Variants in HDAC4 observed in about 807,000 individuals in gnomAD.
The protein encoded by HDAC4 is histone deacetylase A.
Under a neutral mutation model 135.1 loss-of-function variants are expected in HDAC4, and 16 were observed. That is an observed-to-expected ratio of 0.12 (90% CI 0.08 to 0.18). The LOEUF is 0.18. Among genes scored for constraint, HDAC4 ranks in the 10% least tolerant of loss-of-function variants. The probability of loss-of-function intolerance (pLI) is 1.00; values close to 1 mark genes in which losing one functional copy is unlikely to be tolerated. For synonymous variants in HDAC4, 685 were observed against 653.4 expected, an observed-to-expected ratio of 1.05 and a Z score of -0.74; for missense variants, 1,143 against 1,511.8, an observed-to-expected ratio of 0.76 and a Z score of 4.05.
At chr2:239,142,794 T>C (rs1467021746) in intron 8 of HDAC4, among the ~76,000 whole-genome samples, 5 of 148,704 alleles carry the variant, frequency 3.4e-5, no homozygotes, top group Non-Finnish European at 1.5e-5. Flanking sequence ...CTGTCACACA[T>C]GACTCCTGGG....
intron 4 of HDAC4, among the ~76,000 whole-genome samples, chr2:239,177,250 C>A (rs933040986): frequency 6.6e-6 from 1 of 152,166 alleles, no homozygotes; most frequent in Non-Finnish European, 1.5e-5. Flanking sequence ...ACTGAAAGAC[C>A]CTCCGCTGAG....
At chr2:239,278,885 G>A (rs1296729954) in intron 2 of HDAC4, among the ~76,000 whole-genome samples, 1 of 152,176 alleles carries the variant, frequency 6.6e-6, no homozygotes, top group African/African-American at 2.4e-5. Context: ...GCAGTAGTGT[G>A]GACATGTAGT....
chr2:239,111,619 G>A lies in HDAC4; in HGVS notation c.1885C>T (p.His629Tyr), dbSNP rs891779252. Residue 629 changes from histidine (H) to tyrosine (Y), a missense_variant, in exon 14 of 27, where the codon CAC (histidine) becomes TAC (tyrosine). Around this residue, in one of 9 missense-constraint regions of HDAC4, gnomAD observed 196 missense variants for 210.7 expected, o/e 0.93. Coordinates refer to ENST00000543185, the MANE Select transcript of HDAC4 (RefSeq NM_001378414.1). ...AAGIPVSFGG[H>Y]RPLSRAQSSP... ...GACTGCGCCCGGGACAGAGGCCTGTGGCCGCCGAAGGACACGGGGATGCCG... is the reference window on the plus strand; with the variant it reads ...GACTGCGCCCGGGACAGAGGCCTGTAGCCGCCGAAGGACACGGGGATGCCG... 2 of 1,610,206 alleles carry A rather than the reference G, an allele frequency of 1.2e-6. No homozygotes were observed. The highest frequency in any genetic ancestry group is 1.7e-6 in the Non-Finnish European group (2 of 1,179,006).
rs374211203 is a variant in HDAC4 at position 239,053,433 on chromosome 2, C to T, written c.3230+27G>A. 3.2e-4 allele frequency: 514 copies of T among 1,607,878 alleles called. 1 individual carries two copies. Among genetic ancestry groups the T allele is most frequent in the Non-Finnish European group, 4.2e-4 (496 of 1,176,630 alleles). Reference sequence around the variant, plus strand: ...GGCACAGTGGGGCTGGGTGAGCCTGCAGGCGGGCGGCAGGGCAGGTGCTCA... The same window carrying T: ...GGCACAGTGGGGCTGGGTGAGCCTGTAGGCGGGCGGCAGGGCAGGTGCTCA... On this transcript the variant is annotated intron_variant, in intron 26 of 26. Transcript: ENST00000543185.
In HDAC4 at chr2:239,236,358, G is replaced by GA. The variant is rs137988713; in HGVS notation, c.94+234dup. ...AGAACACATCCTTTAGCACCAGAGA[G>GA]AAAAAAAACAACAAAAAATCAGCAT... On this transcript the variant is annotated intron_variant, in intron 3 of 26. Coordinates refer to ENST00000543185, the MANE Select transcript of HDAC4 (RefSeq NM_001378414.1). Among the ~76,000 whole-genome samples, 3,251 of 151,928 alleles carry GA rather than the reference G, an allele frequency of 0.021. 115 individuals are homozygous for GA. Among genetic ancestry groups the GA allele is most frequent in the African/African-American group, 0.074 (3,079 of 41,436 alleles).
At chr2:239,237,592 A>AAAC (rs1432451060) in intron 2 of HDAC4, among the ~76,000 whole-genome samples, 1 of 151,204 alleles carries the variant, frequency 6.6e-6, no homozygotes, top group Non-Finnish European at 1.5e-5. Context: ...AAAAAAAAAA[A>AAAC]CCCATTTTTT....
rs182738776 is a variant in HDAC4, at chr2:239,097,291, C to T, written c.2234-2235G>A. 1.8e-3 allele frequency among the ~76,000 whole-genome samples: 281 copies of T among 152,356 alleles called. 2 individuals are homozygous for T. Among genetic ancestry groups the T allele is most frequent in the African/African-American group, 6.4e-3 (268 of 41,590 alleles). On this transcript the variant is annotated intron_variant, in intron 16 of 26. Transcript: ENST00000543185. ...CCCTGGCTCTCCCTGCAGCGCTCAG[C>T]AGGCATGCCTCGGCCTCTGGGTCCT... is the stretch of plus-strand genomic sequence containing the variant.
intron 17 of HDAC4, chr2:239,094,768 C>T: frequency 2.2e-6 from 3 of 1,373,528 alleles, no homozygotes; most frequent in Middle Eastern, 2.5e-4. Flanking sequence ...AAAGCGAGAG[C>T]CACTGCACCC....
intron 24 of HDAC4, among the ~76,000 whole-genome samples, chr2:239,062,347 G>A (rs967982679): frequency 2.0e-4 from 30 of 152,216 alleles, no homozygotes; most frequent in African/African-American, 2.4e-5. Context: ...CACAGCTGGC[G>A]GCCCCGCCTG....
At position 239,057,795 on chromosome 2, in the gene HDAC4, A is replaced by G. The variant is rs114426354; in HGVS notation, c.3004-2962T>C. Reference sequence around the variant, plus strand: ...ATTATACTTAAGGCAGTATGAAAATAATCCTAGAAGACAGTGTGAGAAATG... The same window carrying G: ...ATTATACTTAAGGCAGTATGAAAATGATCCTAGAAGACAGTGTGAGAAATG... On this transcript the variant is annotated intron_variant, in intron 24 of 26. Transcript: ENST00000543185. Among the ~76,000 whole-genome samples, 888 of 152,350 alleles carry G rather than the reference A, an allele frequency of 5.8e-3. 11 individuals carry two copies. Among genetic ancestry groups the G allele is most frequent in the African/African-American group, 0.02 (850 of 41,568 alleles).
Position 239,139,595 on chromosome 2 carries a change from A to G in HDAC4, c.978+89T>C. ...CCCCAAATTGGAAGGTGAAGAGTGAAGGGCAAGTGCAAAGTGGGGTCATTT... is the reference window on the plus strand; with the variant it reads ...CCCCAAATTGGAAGGTGAAGAGTGAGGGGCAAGTGCAAAGTGGGGTCATTT... On this transcript the variant is annotated intron_variant, in intron 9 of 26. Transcript: ENST00000543185. The surrounding 1 kb of genome is among the most constrained non-coding windows in gnomAD (Gnocchi z 5.3). 8.5e-7 allele frequency: 1 copy of G among 1,181,838 alleles called. No individual in the cohort carries two copies. Among genetic ancestry groups the G allele is most frequent in the Non-Finnish European group, 1.3e-6 (1 of 786,442 alleles). The allele number at this position is 1,181,838 out of a possible 1,614,324, so 73.2% of individuals were successfully genotyped here. A position where few individuals can be genotyped will look rare whatever the true frequency, so the allele number is the denominator to read the frequency against.
intron 13 of HDAC4, among the ~76,000 whole-genome samples, chr2:239,114,029 C>T (rs1431423649): frequency 6.6e-6 from 1 of 152,214 alleles, no homozygotes; most frequent in Non-Finnish European, 1.5e-5. Context: ...CCACTGAGCA[C>T]TGATCCCGTG....
At chr2:239,152,781 G>C (rs1417996236) in intron 7 of HDAC4, among the ~76,000 whole-genome samples, 1 of 152,184 alleles carries the variant, frequency 6.6e-6, no homozygotes, top group Non-Finnish European at 1.5e-5. Flanking sequence ...GCAAGGAGGT[G>C]GGGGGATGCT....
At chr2:239,176,866 C>T (rs780496884) in intron 4 of HDAC4, among the ~76,000 whole-genome samples, 54 of 152,308 alleles carry the variant, frequency 3.5e-4, no homozygotes, top group Admixed American at 2.2e-3. Context: ...ATTTTGAGAA[C>T]GACACAAAGA....
intron 1 of HDAC4, among the ~76,000 whole-genome samples, chr2:239,391,088 G>A (rs1029017972): frequency 2.0e-5 from 3 of 152,148 alleles, no homozygotes; most frequent in Non-Finnish European, 4.4e-5. Context: ...GCCTCGATAC[G>A]AATCACACTG....
intron 1 of HDAC4, among the ~76,000 whole-genome samples, chr2:239,391,041 C>G (rs764090903): frequency 1.3e-5 from 2 of 152,238 alleles, no homozygotes; most frequent in African/African-American, 2.4e-5. Flanking sequence ...TCCATCAGAC[C>G]GCTCGAGTCA....
intron 1 of HDAC4, among the ~76,000 whole-genome samples, chr2:239,383,866 A>T (rs1695595799): frequency 6.6e-6 from 1 of 152,206 alleles, no homozygotes; most frequent in Non-Finnish European, 1.5e-5. Context: ...ACACAGTCCC[A>T]CAGAGTCCCC....
intron 20 of HDAC4, among the ~76,000 whole-genome samples, chr2:239,083,303 A>G (rs1293899841): frequency 6.6e-6 from 1 of 152,180 alleles, no homozygotes; most frequent in Non-Finnish European, 1.5e-5. Flanking sequence ...AGGCACTCCT[A>G]CCTGCTCCCT....
intron 3 of HDAC4, among the ~76,000 whole-genome samples, chr2:239,226,017 C>T (rs752943134): frequency 1.4e-4 from 22 of 152,210 alleles, no homozygotes; most frequent in South Asian, 1.0e-3. Flanking sequence ...TCAGCTGCAC[C>T]GCGACACCCT....
Sources: gnomAD v4.1 joint callset for allele counts (sites outside exome capture counted in the v4.1 genomes callset) on GRCh38, gnomAD v4.1.1 for gene constraint, gnomAD v4.1.1 regional missense constraint, Gnocchi (gnomAD v3.1) non-coding constraint, MANE v1.5 for transcripts, NCBI Gene and HGNC (gene_info 2026-07-23, HGNC 2026-07-21) for gene names.